Variants in LEPR observed in about 807,000 individuals in gnomAD.
LEPR encodes the protein leptin receptor.
A neutral mutation model predicts 114.7 loss-of-function variants in LEPR; 56 were observed. The observed-to-expected ratio is 0.49, with a 90% CI of 0.39 to 0.61. The LOEUF is 0.61. Among genes scored for constraint, LEPR ranks in the 20% least tolerant of loss-of-function variants. The pLI, the probability that LEPR is intolerant of heterozygous loss-of-function variation, is 0.00. For synonymous variants in LEPR, 443 were observed against 461.4 expected (o/e 0.96, Z 0.51); for missense variants, 1,202 against 1,352.9 (o/e 0.89, Z 1.75).
chr1:65,600,451 CTT>C (rs976868504), intron 8 of LEPR, among the ~76,000 whole-genome samples: 1 of 152,044 alleles, frequency 6.6e-6, no homozygotes, highest in African/African-American at 2.4e-5. Context: ...ATAAAGAAAA[CTT>C]AATAAAAACC....
At chr1:65,557,197 G>C (rs1213826411) in intron 2 of LEPR, among the ~76,000 whole-genome samples, 9 of 152,012 alleles carry the variant, frequency 5.9e-5, no homozygotes, top group Non-Finnish European at 1.0e-4. Flanking sequence ...TTAGTGTTAG[G>C]ATTATTTGTA....
chr1:65,473,179 A>G (rs1391593498), intron 2 of LEPR, among the ~76,000 whole-genome samples: 1 of 152,212 alleles, frequency 6.6e-6, no homozygotes, highest in Non-Finnish European at 1.5e-5. Flanking sequence ...AACACTTGCA[A>G]CATTAGTGGC....
At chr1:65,516,736 T>C (rs1223537628) in intron 2 of LEPR, among the ~76,000 whole-genome samples, 3 of 152,246 alleles carry the variant, frequency 2.0e-5, no homozygotes, top group African/African-American at 2.4e-5. Flanking sequence ...TCTAAGAATA[T>C]ACTTGAATTT....
At position 65,472,796 on chromosome 1, in the gene LEPR, A is replaced by C. The variant is rs367785351; in HGVS notation, c.-21+47418A>C. ...CTGGAAAGGATGTGCGCTTTGCTCA[A>C]TGGGGAATGGATAAGATGAGGATGT... is the stretch of plus-strand genomic sequence containing the variant. On this transcript the variant is annotated intron_variant, in intron 2 of 19. Transcript: ENST00000349533. Among the ~76,000 whole-genome samples the C allele has an allele frequency of 1.8e-4, 28 of 152,278 alleles. 1 individual carries two copies. The highest frequency in any genetic ancestry group is 1.7e-3 in the East Asian group (9 of 5,180).
At chr1:65,563,342 GC>G (rs1377946501) in intron 2 of LEPR, among the ~76,000 whole-genome samples, 1 of 79,584 alleles carries the variant, frequency 1.3e-5, no homozygotes, top group Non-Finnish European at 2.6e-5. Flanking sequence ...CCAGTTGATC[GC>G]ATCGGCTCCT....
intron 2 of LEPR, among the ~76,000 whole-genome samples, chr1:65,545,688 T>C (rs1472419353): frequency 1.3e-5 from 2 of 152,278 alleles, no homozygotes; most frequent in Admixed American, 6.5e-5. Context: ...TTTGAGTTCA[T>C]TGTAGATTCT....
chr1:65,506,354 A>G (rs1648728128), intron 2 of LEPR, among the ~76,000 whole-genome samples: 1 of 152,214 alleles, frequency 6.6e-6, no homozygotes, highest in African/African-American at 2.4e-5. Flanking sequence ...CTGACACAGA[A>G]GGAGATTTTA....
chr1:65,499,415 G>GTA (rs1648328406), intron 2 of LEPR, among the ~76,000 whole-genome samples: 1 of 152,100 alleles, frequency 6.6e-6, no homozygotes, highest in African/African-American at 2.4e-5. Flanking sequence ...AACATGAGCT[G>GTA]TAGGTTGGGT....
chr1:65,474,541 A>G (rs578081956), intron 2 of LEPR, among the ~76,000 whole-genome samples: 19 of 152,338 alleles, frequency 1.2e-4, no homozygotes, highest in Admixed American at 1.2e-3. Context: ...TGAGCAGTCA[A>G]TGTAAATGAC....
chr1:65,633,271 A>G lies in LEPR; in HGVS notation c.2674-2920A>G. On this transcript the variant is annotated intron_variant, in intron 19 of 19. Coordinates refer to ENST00000349533, the MANE Select transcript of LEPR (RefSeq NM_002303.6). This position sits in a 1 kb window ranked among gnomAD's most constrained non-coding sequence, Gnocchi z 4.1. ...CATTTTGAAGAAGGGGAGCAAATCT[A>G]AAAAAAATTCAGTTGAACTTCTGAG... 6.5e-7 allele frequency: 1 copy of G among 1,529,094 alleles called. No individual in the cohort carries two copies. The highest frequency in any genetic ancestry group is 8.8e-7 in the Non-Finnish European group (1 of 1,139,432). 94.7% of individuals were successfully genotyped at this position (1,529,094 alleles called of 1,614,324 possible).
At chr1:65,435,168 C>G in intron 2 of LEPR, 2 of 985,330 alleles carry the variant, frequency 2.0e-6, no homozygotes, top group South Asian at 4.7e-5. Flanking sequence ...CTGAGCTGGT[C>G]CTGCTTTTCA....
At chr1:65,621,201 CAT>C (rs1232296267) in intron 17 of LEPR, 150 bp from the exon 18 acceptor site, 7 of 673,822 alleles carry the variant, frequency 1.0e-5, no homozygotes, top group African/African-American at 5.5e-5. Flanking sequence ...GTGATCACAA[CAT>C]ATTTTTATCT....
intron 2 of LEPR, among the ~76,000 whole-genome samples, chr1:65,467,218 T>C (rs1647025581): frequency 1.3e-5 from 2 of 152,208 alleles, no homozygotes; most frequent in Admixed American, 1.3e-4. Flanking sequence ...GATTTTGGTG[T>C]AGCTGTCCTT....
At chr1:65,564,127 C>A (rs1653508555) in intron 2 of LEPR, among the ~76,000 whole-genome samples, 1 of 146,334 alleles carries the variant, frequency 6.8e-6, no homozygotes, top group Non-Finnish European at 1.5e-5. Context: ...CAAGCCTGGG[C>A]AATGGTGGGC....
chr1:65,604,964 A>C, intron 10 of LEPR, 74 bp from the exon 11 acceptor site: 1 of 1,579,798 alleles, frequency 6.3e-7, no homozygotes, highest in South Asian at 1.1e-5. Context: ...TTAAACAACA[A>C]ATCAGAATTC....
intron 3 of LEPR, among the ~76,000 whole-genome samples, chr1:65,567,966 T>TA (rs1280963216): frequency 6.6e-6 from 1 of 152,156 alleles, no homozygotes; most frequent in Non-Finnish European, 1.5e-5. Flanking sequence ...TGTTGTATAT[T>TA]GTATGAATGT....
intron 2 of LEPR, among the ~76,000 whole-genome samples, chr1:65,502,538 C>A (rs529663632): frequency 2.6e-4 from 39 of 151,940 alleles, no homozygotes; most frequent in Non-Finnish European, 1.9e-4. Context: ...GATATAGCTT[C>A]CCTGTGGAGC....
In LEPR at chr1:65,637,390, T is replaced by C. The variant is rs1454058211; in HGVS notation, c.*375T>C. ...CACACACACACACATTCTTAACACATGTCCTTGTGTGTTTTGAGAGTATAT... is the reference window on the plus strand; with the variant it reads ...CACACACACACACATTCTTAACACACGTCCTTGTGTGTTTTGAGAGTATAT... On this transcript the variant is annotated 3_prime_UTR_variant, in exon 20 of 20. Transcript: ENST00000349533. 10 of 182,400 alleles carry C rather than the reference T, an allele frequency of 5.5e-5. No homozygotes were observed. The highest frequency in any genetic ancestry group is 3.8e-4 in the Admixed American group (7 of 18,400). 11.3% of individuals were successfully genotyped at this position (182,400 alleles called of 1,614,324 possible). A position where few individuals can be genotyped will look rare whatever the true frequency, so the allele number is the denominator to read the frequency against.
At chr1:65,464,177 T>G (rs1478907181) in intron 2 of LEPR, among the ~76,000 whole-genome samples, 1 of 152,220 alleles carries the variant, frequency 6.6e-6, no homozygotes, top group Non-Finnish European at 1.5e-5. Flanking sequence ...TAAATGGCTC[T>G]TATTATTTTT....
Sources: gnomAD v4.1 joint callset for allele counts (sites outside exome capture counted in the v4.1 genomes callset) on GRCh38, gnomAD v4.1.1 for gene constraint, Gnocchi (gnomAD v3.1) non-coding constraint, MANE v1.5 for transcripts, NCBI Gene and HGNC (gene_info 2026-07-23, HGNC 2026-07-21) for gene names.